SNRPN: variants seen among roughly 807,000 people sequenced by gnomAD.
SNRPN encodes small nuclear ribonucleoprotein polypeptide N.
In SNRPN, 7 loss-of-function variants were observed where a neutral mutation model predicts 25.2. The ratio of observed to expected loss-of-function variants is 0.28; its 90% CI spans 0.16 to 0.52. The LOEUF is 0.52. SNRPN is among the 20% of genes least tolerant of loss of function. SNRPN has a pLI of 0.96. For synonymous variants in SNRPN, 124 were observed against 110.6 expected (o/e 1.12, Z -0.76); for missense variants, 196 against 322.5 (o/e 0.61, Z 3.00).
chr15:24,931,358 A>G (rs561164257), intron 3 of SNRPN, among the ~76,000 whole-genome samples: 1 of 152,314 alleles, frequency 6.6e-6, no homozygotes, highest in African/African-American at 2.4e-5. Context: ...ATCACTAATA[A>G]CTATTGTAAT....
intron 1 of SNRPN, among the ~76,000 whole-genome samples, chr15:24,884,146 T>TAAAAAAAAAAAAAAAA (rs1194069483): frequency 3.3e-5 from 1 of 30,534 alleles, no homozygotes. Context: ...ACCCTGCCTC[T>TAAAAAAAAAAAAAAAA]ACAAAAAAAA....
upstream of SNRPN, among the ~76,000 whole-genome samples, chr15:24,951,513 CTT>C (rs34222681): frequency 5.6e-5 from 8 of 143,596 alleles, no homozygotes; most frequent in Admixed American, 1.4e-4. Context: ...AATAGTAACA[CTT>C]TTTTTTTTTT....
In SNRPN at chr15:24,937,974, C is replaced by T. The variant is rs538385682; in HGVS notation, c.-391+17850C>T. Among the ~76,000 whole-genome samples the T allele has an allele frequency of 4.6e-5, 7 of 152,320 alleles. No individual in the cohort carries two copies. The South Asian group carries it at 1.4e-3, about 32-fold the overall frequency. Reference sequence around the variant, plus strand: ...ACTTCCTTTTTGAGGTTGAATGATACTCCATTGCATGTATGCATTACATTT... The same window carrying T: ...ACTTCCTTTTTGAGGTTGAATGATATTCCATTGCATGTATGCATTACATTT... On this transcript the variant is annotated intron_variant, in intron 3 of 11. Transcript: ENST00000400097.
intron 1 of SNRPN, among the ~76,000 whole-genome samples, chr15:24,857,420 T>G (rs1376461125): frequency 6.6e-6 from 1 of 152,204 alleles, no homozygotes; most frequent in African/African-American, 2.4e-5. Context: ...TTGGGTTTTT[T>G]TTATGTTTTC....
chr15:24,939,750 A>AG (rs977137845), intron 3 of SNRPN, among the ~76,000 whole-genome samples: 4 of 45,008 alleles, frequency 8.9e-5, no homozygotes, highest in African/African-American at 3.5e-4. Context: ...TTTTAAAATC[A>AG]GGTTTTTTTT....
At chr15:24,948,484 A>G (rs906264061) in intron 3 of SNRPN, among the ~76,000 whole-genome samples, 2 of 152,046 alleles carry the variant, frequency 1.3e-5, no homozygotes, top group African/African-American at 4.8e-5. Flanking sequence ...TGTTTCCCCT[A>G]TTAACATGTT....
At chr15:24,975,666 G>A (rs2076974478) in intron 5 of SNRPN, among the ~76,000 whole-genome samples, 157 bp downstream of exon 5, 1 of 152,146 alleles carries the variant, frequency 6.6e-6, no homozygotes, top group South Asian at 2.1e-4. Context: ...CTCTGAATTA[G>A]GTCAGAGTCT....
intron 1 of SNRPN, among the ~76,000 whole-genome samples, chr15:24,871,272 A>G (rs1278390136): frequency 1.3e-5 from 2 of 151,976 alleles, no homozygotes; most frequent in Non-Finnish European, 2.9e-5. Context: ...AAACAATATG[A>G]TGTAGCGACC....
At chr15:24,863,316 T>A (rs79936573) in intron 1 of SNRPN, among the ~76,000 whole-genome samples, 5,681 of 150,512 alleles carry the variant, frequency 0.038, 618 homozygotes, top group African/African-American at 0.12. Flanking sequence ...AAACTGCAGA[T>A]AAGGGGGGTT....
chr15:24,937,365 A>G (rs569433792), intron 3 of SNRPN, among the ~76,000 whole-genome samples: 44 of 152,214 alleles, frequency 2.9e-4, no homozygotes, highest in African/African-American at 1.1e-3. Context: ...AACAAAAAAA[A>G]CGAAAAAGCA....
At chr15:24,925,460 T>C (rs1331550402) in intron 3 of SNRPN, among the ~76,000 whole-genome samples, 1 of 152,070 alleles carries the variant, frequency 6.6e-6, no homozygotes, top group Admixed American at 6.6e-5. Flanking sequence ...AAGAAAAATG[T>C]ATGATTGCGT....
intron 2 of SNRPN, among the ~76,000 whole-genome samples, chr15:24,893,030 G>T (rs903320037): frequency 2.0e-5 from 3 of 151,852 alleles, no homozygotes; most frequent in Admixed American, 2.0e-4. Context: ...TCAACATGGT[G>T]AAACCCCGTC....
At chr15:24,858,272 A>G (rs561326358) in intron 1 of SNRPN, among the ~76,000 whole-genome samples, 183 of 152,292 alleles carry the variant, frequency 1.2e-3, no homozygotes, top group Admixed American at 1.8e-3. Context: ...GCTAAACTAT[A>G]AACCGAATTC....
chr15:24,866,578 A>AAAAATAAG (rs2054591363), intron 1 of SNRPN, among the ~76,000 whole-genome samples: 1 of 152,054 alleles, frequency 6.6e-6, no homozygotes, highest in African/African-American at 2.4e-5. Context: ...TTAGCGTTTT[A>AAAAATAAG]AAAATAAGAC....
intron 3 of SNRPN, among the ~76,000 whole-genome samples, chr15:24,924,600 A>C (rs147944814): frequency 6.6e-6 from 1 of 151,882 alleles, no homozygotes; most frequent in Non-Finnish European, 1.5e-5. Context: ...CTCCCGCCTC[A>C]GTCTCTCAAG....
At chr15:24,932,039 C>T (rs1053801165) in intron 3 of SNRPN, among the ~76,000 whole-genome samples, 5 of 151,812 alleles carry the variant, frequency 3.3e-5, no homozygotes, top group Admixed American at 6.6e-5. Context: ...CTATGACCCT[C>T]GCACAGAGGC....
At chr15:24,891,841 A>G (rs1053649444) in intron 2 of SNRPN, among the ~76,000 whole-genome samples, 5 of 152,224 alleles carry the variant, frequency 3.3e-5, no homozygotes, top group African/African-American at 1.2e-4. Flanking sequence ...GCAAATATCA[A>G]AAGAGATCTT....
At chr15:24,844,629 AC>A (rs1443174394) in intron 2 of SNRPN, among the ~76,000 whole-genome samples, 1 of 151,478 alleles carries the variant, frequency 6.6e-6, no homozygotes, top group Admixed American at 6.6e-5. Context: ...GGTTGAAGCG[AC>A]TCTCCTGCCT....
chr15:24,837,535 AT>A (rs1485070112), intron 2 of SNRPN, among the ~76,000 whole-genome samples: 12 of 150,498 alleles, frequency 8.0e-5, no homozygotes, highest in East Asian at 4.0e-4. Context: ...TGCCTGGCTA[AT>A]TTTTTTGTAT....
Sources: gnomAD v4.1 joint callset for allele counts (sites outside exome capture counted in the v4.1 genomes callset) on GRCh38, gnomAD v4.1.1 for gene constraint, MANE v1.5 for transcripts, NCBI Gene and HGNC (gene_info 2026-07-23, HGNC 2026-07-21) for gene names.